Variants in OPCML observed in about 807,000 individuals in gnomAD.
OPCML encodes the protein opioid-binding protein/cell adhesion molecule.
In OPCML, 13 loss-of-function variants were observed where a neutral mutation model predicts 37.8. That is an observed-to-expected ratio of 0.34 (90% CI 0.22 to 0.55). The LOEUF is 0.55. Among genes scored for constraint, OPCML ranks in the 20% least tolerant of loss-of-function variants. OPCML has a pLI of 0.91. For synonymous variants in OPCML, 176 were observed against 168.8 expected (o/e 1.04, Z -0.33); for missense variants, 341 against 435.6 (o/e 0.78, Z 1.93).
At chr11:132,818,612 A>AGATAGATAGATAGATAGATAGAT (rs1168844624) in intron 2 of OPCML, among the ~76,000 whole-genome samples, 81 of 46,614 alleles carry the variant, frequency 1.7e-3, no homozygotes, top group South Asian at 8.4e-3. Flanking sequence ...GATAGATGAT[A>AGATAGATAGATAGATAGATAGAT]GATAGATAGA....
intron 1 of OPCML, among the ~76,000 whole-genome samples, chr11:133,491,359 C>T (rs561615183): frequency 4.6e-5 from 7 of 152,142 alleles, no homozygotes; most frequent in Non-Finnish European, 7.3e-5. Context: ...GAAGGCACCA[C>T]GACACACTAG....
At chr11:133,467,997 A>G (rs1591534057) in intron 1 of OPCML, among the ~76,000 whole-genome samples, 1 of 152,104 alleles carries the variant, frequency 6.6e-6, no homozygotes. Context: ...TGTCACCTCT[A>G]CAGTAGGGAT....
Position 132,853,204 on chromosome 11 carries a change from T to C in OPCML, c.146+89722A>G, listed in dbSNP as rs1486812799. Among the ~76,000 whole-genome samples, 7 of 152,198 alleles carry C rather than the reference T, an allele frequency of 4.6e-5. No individual in the cohort carries two copies. The East Asian group carries it at 1.3e-3, about 29-fold the overall frequency. ...GCCAGTTATAAAATTTGAGCTTTCA[T>C]GGAGAAAATAAGAATTTTGGAAAAC... is the stretch of plus-strand genomic sequence containing the variant. On this transcript the variant is annotated intron_variant, in intron 2 of 7. Transcript: ENST00000524381.
At chr11:132,901,770 C>T (rs1944071625) in intron 2 of OPCML, among the ~76,000 whole-genome samples, 1 of 152,084 alleles carries the variant, frequency 6.6e-6, no homozygotes, top group South Asian at 2.1e-4. Flanking sequence ...GATAAAGAGG[C>T]ATAAAGGAAA....
chr11:133,221,563 G>A (rs10894663), intron 1 of OPCML, among the ~76,000 whole-genome samples: 29,829 of 152,118 alleles, frequency 0.2, 3,384 homozygotes, highest in Middle Eastern at 0.26. Context: ...TGTCCATACC[G>A]GTGAATCACA....
At chr11:133,395,500 T>C (rs1421839485) in intron 1 of OPCML, among the ~76,000 whole-genome samples, 3 of 152,198 alleles carry the variant, frequency 2.0e-5, no homozygotes, top group African/African-American at 7.2e-5. Context: ...GTTTCCCTAA[T>C]GTTTTCCTGT....
intron 1 of OPCML, among the ~76,000 whole-genome samples, chr11:133,057,273 T>C (rs1384063117): frequency 6.6e-6 from 1 of 152,212 alleles, no homozygotes; most frequent in Non-Finnish European, 1.5e-5. Context: ...TTACATAACC[T>C]CTGTTGCCAG....
In OPCML at chr11:133,140,823, A is replaced by AGACGACGACGAAGAAGACGAC. The variant is rs1949779331; in HGVS notation, c.62-197834_62-197814dup. Among the ~76,000 whole-genome samples, 2 of 31,698 alleles carry AGACGACGACGAAGAAGACGAC rather than the reference A, an allele frequency of 6.3e-5. 1 individual carries two copies. The highest frequency in any genetic ancestry group is 1.8e-4 in the Non-Finnish European group (2 of 11,152). The allele number at this position is 31,698 out of a possible 152,430, so 20.8% of individuals were successfully genotyped here. A position where few individuals can be genotyped will look rare whatever the true frequency, so the allele number is the denominator to read the frequency against. ...AAGAAGAAGACGACGACGAAGAAGA[A>AGACGACGACGAAGAAGACGAC]GACGACGACGAAGAAGACGACGACG... is the stretch of plus-strand genomic sequence containing the variant. On this transcript the variant is annotated intron_variant, in intron 1 of 7. Transcript: ENST00000524381.
At chr11:132,662,332 A>C (rs1386014357) in intron 2 of OPCML, among the ~76,000 whole-genome samples, 1 of 152,174 alleles carries the variant, frequency 6.6e-6, no homozygotes, top group Non-Finnish European at 1.5e-5. Flanking sequence ...TAATCAAAAT[A>C]ATCACTGAAA....
At chr11:132,531,551 A>G (rs911153179) in intron 3 of OPCML, among the ~76,000 whole-genome samples, 4 of 152,198 alleles carry the variant, frequency 2.6e-5, no homozygotes, top group Non-Finnish European at 4.4e-5. Flanking sequence ...AAGAGTAAAA[A>G]GTAGAACATT....
chr11:132,633,662 T>C lies in OPCML; in HGVS notation c.379+23425A>G, dbSNP rs544456583. On this transcript the variant is annotated intron_variant, in intron 3 of 7. Transcript: ENST00000524381. Reference sequence around the variant, plus strand: ...TAAAGAGCTGATACCTCCTGATTTATCCTTCCACAAACCTGATCAGATTGA... The same window carrying C: ...TAAAGAGCTGATACCTCCTGATTTACCCTTCCACAAACCTGATCAGATTGA... 1.6e-3 allele frequency among the ~76,000 whole-genome samples: 238 copies of C among 152,170 alleles called. 3 individuals are homozygous for C. The Middle Eastern group carries it at 0.02, about 13-fold the overall frequency.
chr11:133,072,963 T>C (rs1240508077), intron 1 of OPCML, among the ~76,000 whole-genome samples: 1 of 152,034 alleles, frequency 6.6e-6, no homozygotes, highest in Non-Finnish European at 1.5e-5. Context: ...GGGTGACTGG[T>C]GTGAGAGAAA....
At chr11:133,105,926 G>A (rs531944911) in intron 1 of OPCML, among the ~76,000 whole-genome samples, 86 of 151,998 alleles carry the variant, frequency 5.7e-4, no homozygotes, top group African/African-American at 2.0e-3. Flanking sequence ...AGGTTGAAGT[G>A]AGCCAAGATC....
rs180712351 is a variant in OPCML at position 132,761,625 on chromosome 11, C to T, written c.147-104306G>A. Among the ~76,000 whole-genome samples the T allele has an allele frequency of 9.5e-4, 144 of 152,074 alleles. 1 individual carries two copies. The highest frequency in any genetic ancestry group is 3.1e-3 in the African/African-American group (130 of 41,460). ...GCTATCGATACTTGTGTATGCTTCA[C>T]GAAGTTCTCGTACTGTGTTTTTCGG... is the stretch of plus-strand genomic sequence containing the variant. On this transcript the variant is annotated intron_variant, in intron 2 of 7. Coordinates refer to ENST00000524381, the MANE Select transcript of OPCML (RefSeq NM_001012393.5).
intron 1 of OPCML, among the ~76,000 whole-genome samples, chr11:133,440,582 C>T (rs567470491): frequency 7.8e-4 from 117 of 150,634 alleles, no homozygotes; most frequent in Non-Finnish European, 2.2e-4. Context: ...CAAAAATTAG[C>T]TGGGCATGGT....
intron 1 of OPCML, among the ~76,000 whole-genome samples, chr11:133,062,869 G>C (rs1192008277): frequency 6.6e-6 from 1 of 152,242 alleles, no homozygotes; most frequent in Non-Finnish European, 1.5e-5. Flanking sequence ...CCCTAGGAAT[G>C]GCTTTCTGCC....
chr11:132,477,693 T>C (rs78364722), intron 4 of OPCML, among the ~76,000 whole-genome samples: 3,275 of 152,312 alleles, frequency 0.022, 94 homozygotes, highest in African/African-American at 0.073. Flanking sequence ...CATATGTTTT[T>C]CTGGAGTGTG....
chr11:133,023,149 C>A (rs1947484807), intron 1 of OPCML, among the ~76,000 whole-genome samples: 1 of 152,192 alleles, frequency 6.6e-6, no homozygotes, highest in Non-Finnish European at 1.5e-5. Context: ...GGACTCAGTG[C>A]CATAAGCAGG....
At chr11:132,848,665 GC>G (rs1374076867) in intron 2 of OPCML, among the ~76,000 whole-genome samples, 1 of 152,192 alleles carries the variant, frequency 6.6e-6, no homozygotes, top group Non-Finnish European at 1.5e-5. Context: ...ATACTAGTCA[GC>G]CTGACATTAC....
Sources: allele counts gnomAD v4.1 joint callset (sites outside exome capture counted in the v4.1 genomes callset), GRCh38; gene constraint gnomAD v4.1.1; transcripts MANE v1.5; gene names NCBI Gene and HGNC (gene_info 2026-07-23, HGNC 2026-07-21).